SCUBE1: variants seen among roughly 807,000 people sequenced by gnomAD.
The protein encoded by SCUBE1 is signal peptide, CUB and EGF-like domain-containing protein 1.
Under a neutral mutation model 124.4 loss-of-function variants are expected in SCUBE1, and 59 were observed. The ratio of observed to expected loss-of-function variants is 0.47; its 90% CI spans 0.38 to 0.59. SCUBE1 has a LOEUF of 0.59. Ranked by LOEUF, SCUBE1 falls within the 20% of genes least tolerant of loss-of-function variation. The pLI is 0.00. For synonymous variants in SCUBE1, 545 were observed against 550.9 expected, an observed-to-expected ratio of 0.99 and a Z score of 0.15; for missense variants, 1,150 against 1,371.2, an observed-to-expected ratio of 0.84 and a Z score of 2.55.
intron 3 of SCUBE1, among the ~76,000 whole-genome samples, chr22:43,299,771 C>T (rs142134382): frequency 1.1e-3 from 164 of 152,238 alleles, no homozygotes; most frequent in Middle Eastern, 3.4e-3. Flanking sequence ...GACCTGTGCC[C>T]GTTTTCGGTT....
rs751811165 is a variant in SCUBE1, at chr22:43,238,821, C to G, written c.844+17G>C. ...GCCAGTACAGGCAGGGGCACCCACA[C>G]AGCTCCACATGCTGACCTTTGCATG... is the stretch of plus-strand genomic sequence containing the variant. On this transcript the variant is annotated intron_variant, in intron 7 of 21. Transcript: ENST00000360835. The G allele has an allele frequency of 1.2e-6, 2 of 1,603,744 alleles. No individual in the cohort carries two copies. The highest frequency in any genetic ancestry group is 1.7e-6 in the Non-Finnish European group (2 of 1,171,486).
At chr22:43,225,645 G>T (rs113130229) in intron 10 of SCUBE1, among the ~76,000 whole-genome samples, 1,850 of 150,964 alleles carry the variant, frequency 0.012, 24 homozygotes, top group African/African-American at 0.033. Context: ...CTGGTGATCT[G>T]CCCACCTCAG....
At chr22:43,303,196 C>T (rs1925839886) in intron 3 of SCUBE1, among the ~76,000 whole-genome samples, 1 of 152,248 alleles carries the variant, frequency 6.6e-6, no homozygotes, top group Non-Finnish European at 1.5e-5. Flanking sequence ...TGTGAAATTG[C>T]CAGGCGGCTG....
At position 43,255,116 on chromosome 22, in the gene SCUBE1, G is replaced by T. The variant is rs1333555361; in HGVS notation, c.727+3103C>A. 6.6e-6 allele frequency among the ~76,000 whole-genome samples: 1 copy of T among 152,206 alleles called. No individual in the cohort carries two copies. The highest frequency in any genetic ancestry group is 1.5e-5 in the Non-Finnish European group (1 of 68,042). Reference sequence around the variant, plus strand: ...GCCTGGGAATCCTAACTGTGAATGTGGGTGTTCACGCAAGTCGGGGAGCTT... The same window carrying T: ...GCCTGGGAATCCTAACTGTGAATGTTGGTGTTCACGCAAGTCGGGGAGCTT... On this transcript the variant is annotated intron_variant, in intron 6 of 21. Transcript: ENST00000360835. This position sits in a 1 kb window ranked among gnomAD's most constrained non-coding sequence, Gnocchi z 4.7.
chr22:43,217,155 T>C (rs73886447), intron 15 of SCUBE1, among the ~76,000 whole-genome samples: 976 of 41,286 alleles, frequency 0.024, 207 homozygotes, highest in East Asian at 0.23. Context: ...ACAGCTTCCC[T>C]CCTCCCCCGC....
rs757244147 is a variant in SCUBE1, at chr22:43,210,563, G to A, written c.2384-323C>T. ...GTCAGGGGCACTGAGAGGGCCTGGA[G>A]CCCTGCTCTCTCTAGAGGCCCTGTC... On this transcript the variant is annotated intron_variant, in intron 18 of 21. Coordinates refer to ENST00000360835, the MANE Select transcript of SCUBE1 (RefSeq NM_173050.5). This position sits in a 1 kb window ranked among gnomAD's most constrained non-coding sequence, Gnocchi z 4.5. 2.6e-4 allele frequency among the ~76,000 whole-genome samples: 40 copies of A among 152,196 alleles called. No individual in the cohort carries two copies. Among genetic ancestry groups the A allele is most frequent in the Non-Finnish European group, 5.1e-4 (35 of 68,024 alleles).
chr22:43,267,196 T>C (rs1486091392), intron 4 of SCUBE1, among the ~76,000 whole-genome samples: 7 of 152,096 alleles, frequency 4.6e-5, no homozygotes, highest in Non-Finnish European at 7.4e-5. Context: ...TGGGGAGACA[T>C]GAGCTTCATT....
chr22:43,292,549 G>C (rs1468542926), intron 3 of SCUBE1, among the ~76,000 whole-genome samples: 1 of 78,984 alleles, frequency 1.3e-5, no homozygotes, highest in African/African-American at 5.8e-5. Context: ...GCCAATCCCC[G>C]GTCCCTAACA....
At chr22:43,205,690 CCCACACACACCACCCA>C (rs1447348497) in intron 21 of SCUBE1, among the ~76,000 whole-genome samples, 16 of 127,528 alleles carry the variant, frequency 1.3e-4, no homozygotes, top group African/African-American at 5.0e-4. Flanking sequence ...CTCACTCACC[CCCACACACACCACCCA>C]CTCACCACAC....
In SCUBE1 at chr22:43,221,191, C is replaced by T. The variant is rs367576701; in HGVS notation, c.1531G>A (p.Ala511Thr). The change falls in exon 13 of 22, where the codon GCC (alanine) becomes ACC (threonine). Residue 511 changes from alanine to threonine, a missense_variant. Ala to Thr is a moderately conservative substitution (Grantham distance 58). Transcript: ENST00000360835. The part of the protein sequence containing the change: ...PHSQARAKET[A>T]RQPLLDHCHV... ...CACTCACCCAGCAGCGGCTGCCTGG[C>T]GGTCTCCTTTGCTCGTGCCTGGCTG... The T allele has an allele frequency of 1.1e-4, 185 of 1,610,108 alleles. No individual in the cohort carries two copies. The highest frequency in any genetic ancestry group is 1.7e-4 in the Middle Eastern group (1 of 6,038).
chr22:43,240,119 C>T (rs1000332568), intron 6 of SCUBE1, among the ~76,000 whole-genome samples: 1 of 152,004 alleles, frequency 6.6e-6, no homozygotes, highest in Non-Finnish European at 1.5e-5. Context: ...TGTGTGTGTG[C>T]GTGTGCATCT....
chr22:43,232,684 G>A (rs1922604316), intron 7 of SCUBE1, among the ~76,000 whole-genome samples: 1 of 152,198 alleles, frequency 6.6e-6, no homozygotes, highest in Admixed American at 6.5e-5. Context: ...GCCATCCTGA[G>A]CAACTCTGCC....
intron 3 of SCUBE1, among the ~76,000 whole-genome samples, chr22:43,311,465 GGC>G (rs1264077108): frequency 6.7e-6 from 1 of 150,348 alleles, no homozygotes; most frequent in Non-Finnish European, 1.5e-5. Context: ...CTGTCGCCCA[GGC>G]TGGAGTGCAG....
chr22:43,321,184 C>T (rs1182123431), intron 2 of SCUBE1, among the ~76,000 whole-genome samples: 1 of 152,206 alleles, frequency 6.6e-6, no homozygotes, highest in Admixed American at 6.5e-5. Context: ...GGGTCACTCC[C>T]CTATAGTGTA....
Position 43,339,089 on chromosome 22 carries a change from C to A in SCUBE1, c.220+15G>T. ...CAGCCTCAGGGTCTGCCCGGGAGGG[C>A]CGGGCTGGACTCACCTTCACACTGC... On this transcript the variant is annotated intron_variant, in intron 2 of 21. Transcript: ENST00000360835. 1 of 1,613,010 alleles carries A rather than the reference C, an allele frequency of 6.2e-7. No individual in the cohort carries two copies. Among genetic ancestry groups the A allele is most frequent in the Middle Eastern group, 1.7e-4 (1 of 6,054 alleles).
In SCUBE1 at chr22:43,262,204, C is replaced by T. The variant is rs750247766; in HGVS notation, c.610+516G>A. On this transcript the variant is annotated intron_variant, in intron 5 of 21. Coordinates refer to ENST00000360835, the MANE Select transcript of SCUBE1 (RefSeq NM_173050.5). Reference sequence around the variant, plus strand: ...AGAGATGGGGTCTTGCTGTATTGTCCAAGCTGGACTCAAAGTCGGGCTAGA... The same window carrying T: ...AGAGATGGGGTCTTGCTGTATTGTCTAAGCTGGACTCAAAGTCGGGCTAGA... 3.5e-4 allele frequency among the ~76,000 whole-genome samples: 53 copies of T among 152,164 alleles called. 1 individual carries two copies. Among genetic ancestry groups the T allele is most frequent in the Admixed American group, 1.2e-3 (19 of 15,282 alleles).
chr22:43,279,533 G>T (rs542541888), intron 4 of SCUBE1, among the ~76,000 whole-genome samples: 1 of 152,374 alleles, frequency 6.6e-6, no homozygotes, highest in East Asian at 1.9e-4. Context: ...ATCTGCCAGA[G>T]TCTTGATCTT....
intron 2 of SCUBE1, among the ~76,000 whole-genome samples, chr22:43,325,400 G>C (rs991482069): frequency 4.2e-5 from 6 of 141,996 alleles, no homozygotes; most frequent in African/African-American, 1.6e-4. Context: ...CCGAGATCGC[G>C]CCGTTGCACT....
At chr22:43,278,742 C>A (rs1016290599) in intron 4 of SCUBE1, among the ~76,000 whole-genome samples, 8 of 152,218 alleles carry the variant, frequency 5.3e-5, no homozygotes, top group Non-Finnish European at 1.2e-4. Context: ...AAGTCCTGCC[C>A]CCCCAGTGCA....
Sources: allele counts gnomAD v4.1 joint callset (sites outside exome capture counted in the v4.1 genomes callset), GRCh38; gene constraint gnomAD v4.1.1; non-coding constraint Gnocchi (gnomAD v3.1); transcripts MANE v1.5; gene names NCBI Gene and HGNC (gene_info 2026-07-23, HGNC 2026-07-21).